PLXNC1: variants seen among roughly 807,000 people sequenced by gnomAD.
The protein encoded by PLXNC1 is plexin-C1.
A neutral mutation model predicts 178.2 loss-of-function variants in PLXNC1; 75 were observed. That is an observed-to-expected ratio of 0.42 (90% confidence interval 0.35 to 0.51). The LOEUF (loss-of-function observed/expected upper bound fraction) is 0.51, where lower values mean the gene tolerates loss of function less well. Ranked by LOEUF, PLXNC1 falls within the 20% of genes least tolerant of loss-of-function variation. The probability of loss-of-function intolerance (pLI) is 0.02; values close to 1 mark genes in which losing one functional copy is unlikely to be tolerated. For missense variants in PLXNC1, 1,503 were observed against 1,984.4 expected (o/e 0.76, Z 4.61); for synonymous variants, 790 against 779.9 (o/e 1.01, Z -0.22).
intron 10 of PLXNC1, among the ~76,000 whole-genome samples, 161 bp from the exon 11 acceptor site, chr12:94,240,324 A>G (rs995532701): frequency 1.3e-5 from 2 of 152,282 alleles, no homozygotes; most frequent in East Asian, 3.9e-4. Flanking sequence ...AATAATACCA[A>G]CTTGGGTCAC....
intron 4 of PLXNC1, among the ~76,000 whole-genome samples, chr12:94,188,448 C>G (rs982913586): frequency 6.6e-6 from 1 of 151,536 alleles, no homozygotes; most frequent in Non-Finnish European, 1.5e-5. Context: ...CGCAGCCTCC[C>G]GAGTAGCTGG....
At chr12:94,155,327 T>G (rs949146886) in intron 1 of PLXNC1, among the ~76,000 whole-genome samples, 1 of 152,174 alleles carries the variant, frequency 6.6e-6, no homozygotes, top group Non-Finnish European at 1.5e-5. Context: ...AAATGCACAT[T>G]CTTGGACCCT....
intron 30 of PLXNC1, 107 bp from the exon 31 acceptor site, chr12:94,305,074 G>A (rs769565137): frequency 6.8e-5 from 45 of 657,904 alleles, no homozygotes; most frequent in Non-Finnish European, 1.1e-4. Context: ...GAAAATGTTG[G>A]CATCTGTTTC....
At chr12:94,254,690 T>C (rs1964790933) in intron 15 of PLXNC1, 97 bp from the exon 16 acceptor site, 1 of 797,042 alleles carries the variant, frequency 1.3e-6, no homozygotes, top group Admixed American at 2.7e-5. Context: ...TGTTTTGTTT[T>C]TGTTTTTGTT....
intron 21 of PLXNC1, chr12:94,272,114 A>G (rs1438735167): frequency 1.3e-5 from 2 of 151,904 alleles, no homozygotes; most frequent in African/African-American, 2.4e-5. Flanking sequence ...TGGACCATAC[A>G]TTTTCCAATA....
chr12:94,212,859 A>G (rs1211017760), intron 5 of PLXNC1, among the ~76,000 whole-genome samples: 1 of 151,060 alleles, frequency 6.6e-6, no homozygotes, highest in East Asian at 1.9e-4. Flanking sequence ...AGCTGGGACT[A>G]CAGGCGCCCA....
intron 15 of PLXNC1, 65 bp downstream of exon 15, chr12:94,251,593 C>T (rs956941808): frequency 1.0e-6 from 1 of 971,064 alleles, no homozygotes; most frequent in Admixed American, 1.7e-5. Context: ...GGCAGGCAGA[C>T]TTTCAGCTTT....
chr12:94,228,429 A>G (rs1326184280), intron 9 of PLXNC1, among the ~76,000 whole-genome samples: 1 of 152,226 alleles, frequency 6.6e-6, no homozygotes, highest in Non-Finnish European at 1.5e-5. Context: ...AAATACACAA[A>G]CAAAATTTAC....
intron 2 of PLXNC1, among the ~76,000 whole-genome samples, chr12:94,172,418 C>T (rs1961879839): frequency 6.6e-6 from 1 of 152,162 alleles, no homozygotes; most frequent in Admixed American, 6.5e-5. Flanking sequence ...TCTGCAAATC[C>T]TGTGAGTTTT....
intron 1 of PLXNC1, among the ~76,000 whole-genome samples, chr12:94,157,265 G>C (rs1228704115): frequency 6.6e-6 from 1 of 152,152 alleles, no homozygotes; most frequent in Non-Finnish European, 1.5e-5. Context: ...CAGGATGGCG[G>C]AAGAGCCACA....
chr12:94,179,501 G>A (rs1962224478), intron 2 of PLXNC1, among the ~76,000 whole-genome samples: 1 of 152,188 alleles, frequency 6.6e-6, no homozygotes, highest in South Asian at 2.1e-4. Flanking sequence ...ACCACTTTGG[G>A]AGGCAGAGGC....
intron 4 of PLXNC1, among the ~76,000 whole-genome samples, chr12:94,195,058 GA>G (rs1180641106): frequency 1.3e-5 from 2 of 152,128 alleles, no homozygotes; most frequent in African/African-American, 4.8e-5. Context: ...CTGGCAGATG[GA>G]GTTCTATGCA....
intron 7 of PLXNC1, among the ~76,000 whole-genome samples, chr12:94,225,746 A>G (rs1963919430): frequency 6.6e-6 from 1 of 152,266 alleles, no homozygotes; most frequent in East Asian, 1.9e-4. Context: ...TTAGGAAAGC[A>G]CTTAGTACAG....
intron 23 of PLXNC1, among the ~76,000 whole-genome samples, chr12:94,294,266 C>T (rs529841190): frequency 2.0e-5 from 3 of 152,284 alleles, no homozygotes; most frequent in Admixed American, 6.5e-5. Context: ...CCTCATCAGC[C>T]TCCTCCACAG....
At position 94,149,767 on chromosome 12, in the gene PLXNC1, C is replaced by T; in HGVS notation, c.796C>T (p.Arg266Cys). Reference protein sequence around the residue: ...GAATGWPSMARIAQSTEVLFQ... With the variant: ...GAATGWPSMACIAQSTEVLFQ... ...TGCCACCGGCTGGCCCAGCATGGCGCGCATCGCGCAGAGCACCGAGGTGCT... is the reference window on the plus strand; with the variant it reads ...TGCCACCGGCTGGCCCAGCATGGCGTGCATCGCGCAGAGCACCGAGGTGCT... Residue 266 changes from arginine to cysteine, a missense_variant, in exon 1 of 31, where the codon CGC (arginine) becomes TGC (cysteine). Transcript: ENST00000258526. 1 of 1,609,170 alleles carries T rather than the reference C, an allele frequency of 6.2e-7. No individual in the cohort carries two copies. The highest frequency in any genetic ancestry group is 8.5e-7 in the Non-Finnish European group (1 of 1,179,232).
intron 5 of PLXNC1, among the ~76,000 whole-genome samples, chr12:94,216,958 A>G (rs1963662868): frequency 6.6e-6 from 1 of 152,176 alleles, no homozygotes; most frequent in Non-Finnish European, 1.5e-5. Flanking sequence ...ACGAAGCTTC[A>G]GCTTTTTAAC....
intron 9 of PLXNC1, 167 bp downstream of exon 9, chr12:94,227,402 T>C (rs1963975023): frequency 7.5e-6 from 4 of 530,224 alleles, no homozygotes; most frequent in Non-Finnish European, 1.4e-5. Context: ...ATTAGCGCAA[T>C]ACATCAATGG....
At chr12:94,291,548 A>G (rs1405166695) in intron 23 of PLXNC1, among the ~76,000 whole-genome samples, 1 of 152,222 alleles carries the variant, frequency 6.6e-6, no homozygotes. Flanking sequence ...AATTCATATT[A>G]CCATAAAGCT....
At chr12:94,276,399 G>A (rs751104283) in intron 21 of PLXNC1, among the ~76,000 whole-genome samples, 12 of 151,294 alleles carry the variant, frequency 7.9e-5, no homozygotes, top group Non-Finnish European at 1.5e-4. Flanking sequence ...ATTTAGCTTA[G>A]GACATTGCTT....
Sources: gnomAD v4.1 joint callset for allele counts (sites outside exome capture counted in the v4.1 genomes callset) on GRCh38, gnomAD v4.1.1 for gene constraint, MANE v1.5 for transcripts, NCBI Gene and HGNC (gene_info 2026-07-23, HGNC 2026-07-21) for gene names.